USP34: variants seen among roughly 807,000 people sequenced by gnomAD.
The protein encoded by USP34 is ubiquitin carboxyl-terminal hydrolase 34.
USP34 carries 70 observed loss-of-function variants against 460.3 expected under a neutral mutation model. That is an observed-to-expected ratio of 0.15 (90% CI 0.13 to 0.19). USP34 has a LOEUF of 0.19. USP34 is among the 10% of genes least tolerant of loss of function. The probability of loss-of-function intolerance (pLI) is 1.00; values close to 1 mark genes in which losing one functional copy is unlikely to be tolerated. For synonymous variants in USP34, 1,647 were observed against 1,405.3 expected (o/e 1.17, Z -3.85); for missense variants, 3,985 against 4,236.2 (o/e 0.94, Z 1.65).
intron 65 of USP34, 152 bp downstream of exon 65, chr2:61,222,467 T>C (rs1687615225): frequency 6.9e-6 from 4 of 580,006 alleles, no homozygotes; most frequent in Non-Finnish European, 1.2e-5. Context: ...GATTAGTAGT[T>C]CATTTTATTC....
At chr2:61,274,127 C>T (rs1172643094) in intron 41 of USP34, among the ~76,000 whole-genome samples, 1 of 151,548 alleles carries the variant, frequency 6.6e-6, no homozygotes, top group African/African-American at 2.4e-5. Flanking sequence ...AGGTGGTTCA[C>T]GCCTGTAATG....
At chr2:61,421,430 A>C (rs570366961) in intron 1 of USP34, among the ~76,000 whole-genome samples, 54 of 152,318 alleles carry the variant, frequency 3.5e-4, no homozygotes, top group African/African-American at 1.3e-3. Context: ...CCATTTCCCA[A>C]AATAATAAAA....
chr2:61,374,178 A>AC (rs1553378556), intron 8 of USP34, among the ~76,000 whole-genome samples: 1 of 146,828 alleles, frequency 6.8e-6, no homozygotes, highest in African/African-American at 2.5e-5. Context: ...AAAAAAAAAA[A>AC]CAGAGAAAAT....
chr2:61,237,554 A>ATTTTT (rs71403400), intron 53 of USP34, among the ~76,000 whole-genome samples: 3 of 45,152 alleles, frequency 6.6e-5, no homozygotes, highest in African/African-American at 1.8e-4. Flanking sequence ...TTTTCTGTGG[A>ATTTTT]TTTTTTTTTT....
chr2:61,240,643 G>A (rs1470210815), intron 53 of USP34, among the ~76,000 whole-genome samples: 1 of 150,124 alleles, frequency 6.7e-6, no homozygotes, highest in Non-Finnish European at 1.5e-5. Flanking sequence ...GTGTGATCTC[G>A]GTTCACTATA....
chr2:61,351,378 C>A (rs1691937925), intron 10 of USP34, among the ~76,000 whole-genome samples: 1 of 152,028 alleles, frequency 6.6e-6, no homozygotes, highest in Admixed American at 6.6e-5. Context: ...GATACAAAGA[C>A]TTCTTTGTTA....
chr2:61,385,447 G>C (rs578200212), intron 5 of USP34, among the ~76,000 whole-genome samples: 2 of 151,148 alleles, frequency 1.3e-5, no homozygotes, highest in East Asian at 2.0e-4. Flanking sequence ...CGAGGCGGGC[G>C]GATCACGAGG....
intron 2 of USP34, among the ~76,000 whole-genome samples, chr2:61,420,435 A>G (rs189999996): frequency 2.6e-5 from 4 of 152,320 alleles, no homozygotes; most frequent in Admixed American, 2.0e-4. Flanking sequence ...AAGGATTAAG[A>G]TTGTTACAAG....
chr2:61,332,912 A>C (rs1484780236), intron 19 of USP34, among the ~76,000 whole-genome samples: 1 of 152,054 alleles, frequency 6.6e-6, no homozygotes, highest in African/African-American at 2.4e-5. Flanking sequence ...AACTTCATCT[A>C]ATCTGGAATT....
At chr2:61,307,634 C>T (rs978385176) in intron 27 of USP34, among the ~76,000 whole-genome samples, 1 of 151,532 alleles carries the variant, frequency 6.6e-6, no homozygotes, top group Non-Finnish European at 1.5e-5. Context: ...AAATATCCAT[C>T]AACAATGAAG....
intron 34 of USP34, among the ~76,000 whole-genome samples, chr2:61,287,943 T>C (rs1689737437): frequency 6.6e-6 from 1 of 152,256 alleles, no homozygotes; most frequent in Non-Finnish European, 1.5e-5. Flanking sequence ...AGGGCAAATA[T>C]ATCAAAAACC....
intron 53 of USP34, among the ~76,000 whole-genome samples, chr2:61,239,255 A>G (rs1688171543): frequency 6.6e-6 from 1 of 151,184 alleles, no homozygotes; most frequent in African/African-American, 2.4e-5. Context: ...CCTTAAATCA[A>G]AAGCTAGAAA....
At chr2:61,232,591 AAC>A in intron 57 of USP34, 59 bp from the exon 58 acceptor site, 2 of 1,297,394 alleles carry the variant, frequency 1.5e-6, no homozygotes. Flanking sequence ...TACATGGGAT[AAC>A]AGTCACATAA....
intron 3 of USP34, among the ~76,000 whole-genome samples, chr2:61,403,073 T>G (rs1169298955): frequency 6.6e-6 from 1 of 152,116 alleles, no homozygotes; most frequent in Non-Finnish European, 1.5e-5. Flanking sequence ...ATCTAATATA[T>G]TAATAGAATT....
intron 1 of USP34, among the ~76,000 whole-genome samples, chr2:61,435,670 G>T (rs903001023): frequency 3.9e-5 from 6 of 152,070 alleles, no homozygotes; most frequent in African/African-American, 1.2e-4. Context: ...CAATAAAATG[G>T]CAGGAGTAAG....
intron 16 of USP34, among the ~76,000 whole-genome samples, chr2:61,341,401 C>A (rs762539754): frequency 6.6e-6 from 1 of 152,102 alleles, no homozygotes; most frequent in Non-Finnish European, 1.5e-5. Flanking sequence ...TTGTCCCCTC[C>A]AAATCTCATG....
chr2:61,398,097 A>C (rs928735394), intron 3 of USP34, among the ~76,000 whole-genome samples: 1 of 151,526 alleles, frequency 6.6e-6, no homozygotes, highest in African/African-American at 2.4e-5. Context: ...TTTTAGGTTG[A>C]GTGCAGTGGC....
chr2:61,285,291 C>CT (rs1423141533), intron 34 of USP34, among the ~76,000 whole-genome samples: 1 of 151,872 alleles, frequency 6.6e-6, no homozygotes, highest in Non-Finnish European at 1.5e-5. Flanking sequence ...AAATCCGACA[C>CT]TAGCTGGCCA....
In USP34 at chr2:61,390,109, C is replaced by T. The variant is rs369972954; in HGVS notation, c.753+4744G>A. 2.6e-5 allele frequency among the ~76,000 whole-genome samples: 4 copies of T among 152,280 alleles called. No homozygotes were observed. In the East Asian group the frequency reaches 5.8e-4, roughly 22 times the overall value. On this transcript the variant is annotated intron_variant, in intron 5 of 79. Coordinates refer to ENST00000398571, the MANE Select transcript of USP34 (RefSeq NM_014709.4). Reference sequence around the variant, plus strand: ...GAAATTGCTATTGTGTTCCCCTATACGTTACTTAAGCCCTACAAGCTTATA... The same window carrying T: ...GAAATTGCTATTGTGTTCCCCTATATGTTACTTAAGCCCTACAAGCTTATA...
Sources: gnomAD v4.1 joint callset for allele counts (sites outside exome capture counted in the v4.1 genomes callset) on GRCh38, gnomAD v4.1.1 for gene constraint, MANE v1.5 for transcripts, NCBI Gene and HGNC (gene_info 2026-07-23, HGNC 2026-07-21) for gene names.